PAFAH1B2: variants seen among roughly 807,000 people sequenced by gnomAD.
PAFAH1B2 encodes platelet activating factor acetylhydrolase 1b catalytic subunit 2.
A neutral mutation model predicts 28.0 loss-of-function variants in PAFAH1B2; 8 were observed. The ratio of observed to expected loss-of-function variants is 0.29; its 90% CI spans 0.17 to 0.52. The LOEUF is 0.52. PAFAH1B2 is among the 20% of genes least tolerant of loss of function. The pLI, the probability that PAFAH1B2 is intolerant of heterozygous loss-of-function variation, is 0.97. For missense variants in PAFAH1B2, 190 were observed against 282.6 expected, an observed-to-expected ratio of 0.67 and a Z score of 2.35; for synonymous variants, 104 against 103.2, an observed-to-expected ratio of 1.01 and a Z score of -0.05.
At chr11:117,167,044 G>A (rs1323992818) in intron 5 of PAFAH1B2, among the ~76,000 whole-genome samples, 1 of 152,202 alleles carries the variant, frequency 6.6e-6, no homozygotes, top group Non-Finnish European at 1.5e-5. Flanking sequence ...TGATAAAGAG[G>A]AAGAGCATAG....
chr11:117,159,398 G>A (rs1252619028), intron 2 of PAFAH1B2: 2 of 152,218 alleles, frequency 1.3e-5, no homozygotes, highest in African/African-American at 4.8e-5. Context: ...AGGCCAAGAA[G>A]TCTCACAGGG....
At chr11:117,164,777 T>C (rs1956463866) in intron 5 of PAFAH1B2, among the ~76,000 whole-genome samples, 1 of 151,834 alleles carries the variant, frequency 6.6e-6, no homozygotes, top group African/African-American at 2.4e-5. Context: ...GGCTCACGTC[T>C]GTAATCCCAG....
chr11:117,174,515 A>T, downstream of PAFAH1B2, among the ~76,000 whole-genome samples: 1 of 125,334 alleles, frequency 8.0e-6, no homozygotes, highest in Admixed American at 9.1e-5. Context: ...GTGGTGTTTC[A>T]CTCGTTGCCC....
At position 117,168,652 on chromosome 11, in the gene PAFAH1B2, T is replaced by TC. The variant is rs144675587; in HGVS notation, c.*956dup. 0.031 allele frequency: 32,839 copies of TC among 1,063,396 alleles called. 609 individuals are homozygous for TC. Among genetic ancestry groups the TC allele is most frequent in the South Asian group, 0.09 (1,972 of 21,940 alleles). 65.9% of individuals were successfully genotyped at this position (1,063,396 alleles called of 1,614,324 possible). A position where few individuals can be genotyped will look rare whatever the true frequency, so the allele number is the denominator to read the frequency against. On this transcript the variant is annotated 3_prime_UTR_variant, in exon 6 of 6. Coordinates refer to ENST00000527958, the MANE Select transcript of PAFAH1B2 (RefSeq NM_002572.4). ...ATATTCGGAGTTCTGGTTTTGTTTT[T>TC]CCCTTAAAACCTGTTAACAGTTTTT...
intron 1 of PAFAH1B2, among the ~76,000 whole-genome samples, chr11:117,150,833 A>G (rs1956132592): frequency 6.6e-6 from 1 of 151,930 alleles, no homozygotes; most frequent in African/African-American, 2.4e-5. Flanking sequence ...TAAAAATACA[A>G]AAAAATTAGC....
Position 117,169,117 on chromosome 11 carries a change from T to G in PAFAH1B2, c.*1418T>G, listed in dbSNP as rs2134221770. The G allele has an allele frequency of 9.8e-7, 1 of 1,022,216 alleles. No individual in the cohort carries two copies. Among genetic ancestry groups the G allele is most frequent in the African/African-American group, 1.7e-5 (1 of 58,762 alleles). The allele number at this position is 1,022,216 out of a possible 1,614,324, so 63.3% of individuals were successfully genotyped here. On this transcript the variant is annotated 3_prime_UTR_variant, in exon 6 of 6. Transcript: ENST00000527958. ...TATTGGCTTAGTTTTTAAATTATCC[T>G]CCAAAAATTTTGGGCCTTTTTCTGT...
chr11:117,156,465 T>C (rs1224784074), intron 2 of PAFAH1B2, among the ~76,000 whole-genome samples: 12 of 152,200 alleles, frequency 7.9e-5, no homozygotes, highest in South Asian at 2.1e-4. Context: ...CCCAGACATA[T>C]AGTGCCAGAA....
chr11:117,144,309 G>A lies in PAFAH1B2; in HGVS notation c.-117G>A. ...AGTGGAGGAGCTGCTGCTGGTGCTG[G>A]GGCCGGAGGAGGGACGCGCCGGAGC... On this transcript the variant is annotated 5_prime_UTR_variant, in exon 1 of 6. Transcript: ENST00000527958. 1 of 392,584 alleles carries A rather than the reference G, an allele frequency of 2.5e-6. No individual in the cohort carries two copies. Among genetic ancestry groups the A allele is most frequent in the Non-Finnish European group, 5.2e-6 (1 of 190,772 alleles). 24.3% of individuals were successfully genotyped at this position (392,584 alleles called of 1,614,324 possible). A position where few individuals can be genotyped will look rare whatever the true frequency, so the allele number is the denominator to read the frequency against.
chr11:117,148,379 C>G lies in PAFAH1B2; in HGVS notation c.-8+3961C>G, dbSNP rs1956065813. On this transcript the variant is annotated intron_variant, in intron 1 of 5. Coordinates refer to ENST00000527958, the MANE Select transcript of PAFAH1B2 (RefSeq NM_002572.4). ...TCTATGTAGTCTTTTCTAATCAGAA[C>G]ATAATATCATTTGCTCAAGAGTAGG... 2.0e-5 allele frequency among the ~76,000 whole-genome samples: 3 copies of G among 152,046 alleles called. No individual in the cohort carries two copies. The South Asian group carries it at 6.2e-4, about 31-fold the overall frequency.
chr11:117,146,144 C>T (rs1189835276), intron 1 of PAFAH1B2, among the ~76,000 whole-genome samples: 2 of 139,698 alleles, frequency 1.4e-5, no homozygotes, highest in South Asian at 2.2e-4. Flanking sequence ...GTGTGTGTGA[C>T]GGAGTCTCAG....
intron 1 of PAFAH1B2, among the ~76,000 whole-genome samples, chr11:117,150,281 G>T (rs1956119892): frequency 1.3e-5 from 2 of 152,036 alleles, no homozygotes. Flanking sequence ...CTGAGTAGCT[G>T]CAGCTTACAG....
downstream of PAFAH1B2, chr11:117,171,719 C>T (rs1206380565): frequency 2.0e-6 from 3 of 1,535,904 alleles, no homozygotes; most frequent in East Asian, 2.4e-5. Context: ...GATGACACAC[C>T]AGCAACTACC....
intron 4 of PAFAH1B2, 82 bp downstream of exon 4, chr11:117,161,343 T>C: frequency 1.1e-6 from 1 of 903,388 alleles, no homozygotes; most frequent in East Asian, 2.8e-5. Context: ...TAAAAAAAAA[T>C]TGCTTCTTTA....
chr11:117,174,329 G>A (rs188065209), downstream of PAFAH1B2, among the ~76,000 whole-genome samples: 790 of 147,232 alleles, frequency 5.4e-3, 11 homozygotes, highest in African/African-American at 0.018. Context: ...GATTACAGGC[G>A]CCTGCCACCA....
At chr11:117,145,430 A>G (rs1265762561) in intron 1 of PAFAH1B2, among the ~76,000 whole-genome samples, 1 of 92,308 alleles carries the variant, frequency 1.1e-5, no homozygotes, top group East Asian at 2.2e-4. Context: ...GCTTGAAATT[A>G]TGGGAAGGGG....
At chr11:117,155,065 A>G (rs191626456) in intron 2 of PAFAH1B2, among the ~76,000 whole-genome samples, 2 of 152,156 alleles carry the variant, frequency 1.3e-5, no homozygotes, top group Admixed American at 1.3e-4. Flanking sequence ...GCTCGCTGCA[A>G]CTTCTACCTC....
chr11:117,172,724 G>T (rs964596451), downstream of PAFAH1B2, among the ~76,000 whole-genome samples: 1 of 151,930 alleles, frequency 6.6e-6, no homozygotes, highest in Non-Finnish European at 1.5e-5. Context: ...TTATTTTTTG[G>T]AAACAGTCTC....
chr11:117,157,020 G>A (rs1591740526), intron 2 of PAFAH1B2, among the ~76,000 whole-genome samples: 1 of 137,450 alleles, frequency 7.3e-6, no homozygotes, highest in Admixed American at 7.5e-5. Flanking sequence ...GTGAAACCCT[G>A]TCTCAAAATC....
rs1321333005 is a variant in PAFAH1B2 at position 117,167,706 on chromosome 11, C to T, written c.*7C>T. 2.0e-6 allele frequency: 3 copies of T among 1,531,952 alleles called. No individual in the cohort carries two copies. The highest frequency in any genetic ancestry group is 1.8e-6 in the Non-Finnish European group (2 of 1,132,832). The allele number at this position is 1,531,952 out of a possible 1,614,324, so 94.9% of individuals were successfully genotyped here. A position where few individuals can be genotyped will look rare whatever the true frequency, so the allele number is the denominator to read the frequency against. On this transcript the variant is annotated 3_prime_UTR_variant, in exon 6 of 6. Coordinates refer to ENST00000527958, the MANE Select transcript of PAFAH1B2 (RefSeq NM_002572.4). ...ACAAACCACCATTGCCTGACTGGCTCTTATCAGTGTTAATAGCATCTCAGC... is the reference window on the plus strand; with the variant it reads ...ACAAACCACCATTGCCTGACTGGCTTTTATCAGTGTTAATAGCATCTCAGC...
Sources: allele counts gnomAD v4.1 joint callset (sites outside exome capture counted in the v4.1 genomes callset), GRCh38; gene constraint gnomAD v4.1.1; transcripts MANE v1.5; gene names NCBI Gene and HGNC (gene_info 2026-07-23, HGNC 2026-07-21).